The following CDK5RAP2 variants were observed in gnomAD, a reference collection of about 807,000 sequenced individuals.
CDK5RAP2 encodes CDK5 regulatory subunit-associated protein 2.
CDK5RAP2 carries 147 observed loss-of-function variants against 232.9 expected under a neutral mutation model. The ratio of observed to expected loss-of-function variants is 0.63; its 90% CI spans 0.55 to 0.72. CDK5RAP2 has a LOEUF of 0.72. Ranked by LOEUF, CDK5RAP2 falls within the 30% of genes least tolerant of loss-of-function variation. The pLI, the probability that CDK5RAP2 is intolerant of heterozygous loss-of-function variation, is 0.00. For synonymous variants in CDK5RAP2, 833 were observed against 833.7 expected (o/e 1.00, Z 0.01); for missense variants, 2,195 against 2,231.5 (o/e 0.98, Z 0.33).
At chr9:120,573,881 A>G (rs2042941126) in intron 1 of CDK5RAP2, among the ~76,000 whole-genome samples, 1 of 152,102 alleles carries the variant, frequency 6.6e-6, no homozygotes, top group African/African-American at 2.4e-5. Context: ...TTCAACCATC[A>G]CCTTTTGCAG....
At chr9:120,407,321 G>T in intron 31 of CDK5RAP2, 73 bp from the exon 32 acceptor site, 1 of 1,109,924 alleles carries the variant, frequency 9.0e-7, no homozygotes, top group Non-Finnish European at 1.4e-6. Context: ...GAACTCAATC[G>T]CATTTTACAC....
intron 14 of CDK5RAP2, among the ~76,000 whole-genome samples, chr9:120,484,168 G>T (rs189391078): frequency 9.3e-4 from 141 of 152,292 alleles, no homozygotes; most frequent in Middle Eastern, 3.4e-3. Flanking sequence ...CATGATCATA[G>T]CCTCAAGTTC....
At chr9:120,394,989 A>G (rs1230565549) in intron 35 of CDK5RAP2, among the ~76,000 whole-genome samples, 1 of 152,248 alleles carries the variant, frequency 6.6e-6, no homozygotes, top group Non-Finnish European at 1.5e-5. Context: ...GAAGATGCCT[A>G]TGTACAAGGA....
At chr9:120,399,452 C>T (rs2032800827) in intron 35 of CDK5RAP2, among the ~76,000 whole-genome samples, 4 of 152,138 alleles carry the variant, frequency 2.6e-5, no homozygotes, top group Non-Finnish European at 5.9e-5. Flanking sequence ...AGGCATTAAA[C>T]AAATATACAA....
chr9:120,392,305 A>C (rs1280363644), intron 36 of CDK5RAP2, among the ~76,000 whole-genome samples: 1 of 152,232 alleles, frequency 6.6e-6, no homozygotes, highest in Non-Finnish European at 1.5e-5. Context: ...GTCTCCAGTT[A>C]GAGATGAGGA....
chr9:120,397,939 C>A (rs2032661019), intron 35 of CDK5RAP2, among the ~76,000 whole-genome samples: 1 of 152,202 alleles, frequency 6.6e-6, no homozygotes, highest in East Asian at 1.9e-4. Context: ...ATGGGAACCA[C>A]TGTAAATCCA....
chr9:120,395,726 T>G (rs944010965), intron 35 of CDK5RAP2, among the ~76,000 whole-genome samples: 3 of 152,226 alleles, frequency 2.0e-5, no homozygotes, highest in Non-Finnish European at 2.9e-5. Flanking sequence ...ATAATTTAAT[T>G]AAATATTAAG....
intron 21 of CDK5RAP2, among the ~76,000 whole-genome samples, chr9:120,451,885 TACAG>T (rs1045920860): frequency 2.0e-5 from 3 of 148,090 alleles, no homozygotes; most frequent in Non-Finnish European, 4.5e-5. Flanking sequence ...ATAATATATA[TACAG>T]ACAAACAGAG....
chr9:120,532,844 G>A (rs547496874), intron 7 of CDK5RAP2, among the ~76,000 whole-genome samples: 2 of 152,218 alleles, frequency 1.3e-5, no homozygotes, highest in East Asian at 1.9e-4. Flanking sequence ...GCTCTGATCC[G>A]ACATCCATGG....
At chr9:120,532,018 T>C (rs955956959) in intron 7 of CDK5RAP2, among the ~76,000 whole-genome samples, 2 of 152,116 alleles carry the variant, frequency 1.3e-5, no homozygotes, top group Admixed American at 6.5e-5. Context: ...TTTTTTTTTT[T>C]TTAGTTACCT....
chr9:120,389,422 A>C (rs2031709561), intron 37 of CDK5RAP2, 130 bp from the exon 38 acceptor site: 4 of 753,324 alleles, frequency 5.3e-6, no homozygotes, highest in Non-Finnish European at 9.3e-6. Flanking sequence ...GTCAGTAAAT[A>C]TTTACCTAAT....
chr9:120,548,109 C>T (rs2041916229), intron 4 of CDK5RAP2, among the ~76,000 whole-genome samples: 2 of 152,174 alleles, frequency 1.3e-5, no homozygotes, highest in African/African-American at 4.8e-5. Flanking sequence ...ATCTTCTTCA[C>T]TGTCAAACAA....
rs149244053 is a variant in CDK5RAP2, at chr9:120,494,000, G to A, written c.1312-2523C>T. 9.5e-3 allele frequency among the ~76,000 whole-genome samples: 1,438 copies of A among 151,842 alleles called. 23 individuals carry two copies. Among genetic ancestry groups the A allele is most frequent in the African/African-American group, 0.032 (1,323 of 41,370 alleles). ...CCAGCTACTAAGGAGGCTGAGGCAG[G>A]AGAATCACTTGAATCCGAGAGGCAG... On this transcript the variant is annotated intron_variant, in intron 12 of 37. Transcript: ENST00000349780.
At chr9:120,502,839 C>G (rs1424755530) in intron 12 of CDK5RAP2, among the ~76,000 whole-genome samples, 2 of 151,960 alleles carry the variant, frequency 1.3e-5, no homozygotes, top group Non-Finnish European at 2.9e-5. Flanking sequence ...GAGTATAGAC[C>G]GCTTCTCTTA....
At chr9:120,395,850 T>A (rs1361776736) in intron 35 of CDK5RAP2, among the ~76,000 whole-genome samples, 1 of 152,228 alleles carries the variant, frequency 6.6e-6, no homozygotes, top group Non-Finnish European at 1.5e-5. Context: ...TCTGGCAAAT[T>A]AGGTGTGGGT....
chr9:120,550,971 A>G (rs2042021741), intron 3 of CDK5RAP2, 69 bp from the exon 4 acceptor site: 16 of 836,956 alleles, frequency 1.9e-5, no homozygotes, highest in Middle Eastern at 2.3e-4. Context: ...TAGTACATAC[A>G]TTAGTCGCTA....
rs2095064 is a variant in CDK5RAP2 at position 120,518,672 on chromosome 9, T to C, written c.1093-27A>G. 0.9 allele frequency: 1,438,596 copies of C among 1,590,604 alleles called. 654,558 individuals carry two copies. The highest frequency in any genetic ancestry group is 0.93 in the Non-Finnish European group (1,079,081 of 1,159,420). ...TAGAAGAGAAGGCAGAGAAGCAAGA[T>C]GAGCTAATTTTCATACCTCATGAAA... is the stretch of plus-strand genomic sequence containing the variant. On this transcript the variant is annotated intron_variant, in intron 11 of 37. Coordinates refer to ENST00000349780, the MANE Select transcript of CDK5RAP2 (RefSeq NM_018249.6).
intron 5 of CDK5RAP2, among the ~76,000 whole-genome samples, chr9:120,539,394 C>T (rs973673700): frequency 6.6e-6 from 1 of 152,172 alleles, no homozygotes; most frequent in Non-Finnish European, 1.5e-5. Flanking sequence ...AGCATATAGC[C>T]TTTCAGACAT....
At chr9:120,502,112 A>G (rs1328526226) in intron 12 of CDK5RAP2, among the ~76,000 whole-genome samples, 1 of 152,138 alleles carries the variant, frequency 6.6e-6, no homozygotes, top group Non-Finnish European at 1.5e-5. Context: ...TGCATGACTC[A>G]CTAACACAAT....
Sources: allele counts gnomAD v4.1 joint callset (sites outside exome capture counted in the v4.1 genomes callset), GRCh38; gene constraint gnomAD v4.1.1; transcripts MANE v1.5; gene names NCBI Gene and HGNC (gene_info 2026-07-23, HGNC 2026-07-21).